Variants in CDK15 observed in about 807,000 individuals in gnomAD.
The protein encoded by CDK15 is cyclin-dependent kinase 15.
A neutral mutation model predicts 60.3 loss-of-function variants in CDK15; 62 were observed. The observed-to-expected ratio is 1.03, with a 90% CI of 0.84 to 1.27. CDK15 has a LOEUF of 1.27. Among genes scored for constraint, CDK15 ranks in the 50% most tolerant of loss-of-function variants. The pLI is 0.00. For missense variants in CDK15, 541 were observed against 527.8 expected (o/e 1.03, Z -0.25); for synonymous variants, 194 against 195.7 (o/e 0.99, Z 0.07).
At chr2:201,861,492 G>A in intron 10 of CDK15, 1 of 983,148 alleles carries the variant, frequency 1.0e-6, no homozygotes, top group Non-Finnish European at 1.2e-6. Flanking sequence ...ATCTGCTATA[G>A]TGCCTAACTT....
At chr2:201,847,115 G>C (rs1697704367) in intron 8 of CDK15, among the ~76,000 whole-genome samples, 1 of 152,162 alleles carries the variant, frequency 6.6e-6, no homozygotes. Context: ...TCCTAAAACA[G>C]ATAATGAGCT....
chr2:201,854,712 A>G lies in CDK15; in HGVS notation c.946-162A>G, dbSNP rs924955999. 7.5e-5 allele frequency: 46 copies of G among 613,246 alleles called. No individual in the cohort carries two copies. In the African/African-American group the frequency reaches 7.6e-4, roughly 10 times the overall value. 38.0% of individuals were successfully genotyped at this position (613,246 alleles called of 1,614,324 possible). A position where few individuals can be genotyped will look rare whatever the true frequency, so the allele number is the denominator to read the frequency against. On this transcript the variant is annotated intron_variant, in intron 9 of 13. Transcript: ENST00000652192. ...CCAAGAAACCACAAACGTTGGAAACACTCAAGTTTCTTTCTCGTATACATC... is the reference window on the plus strand; with the variant it reads ...CCAAGAAACCACAAACGTTGGAAACGCTCAAGTTTCTTTCTCGTATACATC...
chr2:201,875,861 T>C (rs1367827475), intron 11 of CDK15, among the ~76,000 whole-genome samples: 2 of 152,258 alleles, frequency 1.3e-5, no homozygotes, highest in Admixed American at 1.3e-4. Flanking sequence ...TTTCCTTCTC[T>C]GCATTTTCTA....
In CDK15 at chr2:201,861,139, C is replaced by G. The variant is rs1016411590; in HGVS notation, c.1009+6202C>G. 1.8e-5 allele frequency: 18 copies of G among 1,028,366 alleles called. No individual in the cohort carries two copies. In the African/African-American group the frequency reaches 3.1e-4, roughly 18 times the overall value. The allele number at this position is 1,028,366 out of a possible 1,614,324, so 63.7% of individuals were successfully genotyped here. On this transcript the variant is annotated intron_variant, in intron 10 of 13. Transcript: ENST00000652192. ...TATGGAACTGTAAGTCCAAGCTCCC[C>G]CTTTTACTATCTGGGGTAACTTGAG... is the stretch of plus-strand genomic sequence containing the variant.
intron 10 of CDK15, among the ~76,000 whole-genome samples, chr2:201,863,002 C>T (rs535819364): frequency 2.0e-5 from 3 of 152,280 alleles, no homozygotes; most frequent in East Asian, 1.9e-4. Flanking sequence ...CAGCCTCCCT[C>T]GCTACAGCTA....
intron 8 of CDK15, among the ~76,000 whole-genome samples, chr2:201,841,389 A>G (rs879887221): frequency 2.6e-5 from 4 of 152,206 alleles, no homozygotes; most frequent in Non-Finnish European, 5.9e-5. Context: ...TAAAAATGTA[A>G]TGTAGAAATA....
intron 11 of CDK15, among the ~76,000 whole-genome samples, chr2:201,879,719 A>G (rs16838347): frequency 0.069 from 10,516 of 152,068 alleles, 429 homozygotes; most frequent in Non-Finnish European, 0.086. Context: ...CCTTGATTAT[A>G]TATTTCTGTT....
chr2:201,829,303 G>A (rs1696647400), intron 6 of CDK15, among the ~76,000 whole-genome samples: 1 of 152,070 alleles, frequency 6.6e-6, no homozygotes, highest in Non-Finnish European at 1.5e-5. Context: ...GAATGCTGGT[G>A]TCTGTTAAGG....
chr2:201,834,993 G>A (rs1213589911), intron 7 of CDK15, among the ~76,000 whole-genome samples: 2 of 152,128 alleles, frequency 1.3e-5, no homozygotes, highest in Non-Finnish European at 2.9e-5. Context: ...ATTCATCTAA[G>A]GTCCTACCAA....
chr2:201,838,692 C>A (rs1000964300), intron 8 of CDK15, among the ~76,000 whole-genome samples: 1 of 152,140 alleles, frequency 6.6e-6, no homozygotes, highest in Admixed American at 6.5e-5. Flanking sequence ...CAGGTATAAG[C>A]CACCGTGCCC....
intron 12 of CDK15, chr2:201,889,053 C>T (rs1289455205): frequency 4.1e-6 from 4 of 985,046 alleles, no homozygotes; most frequent in African/African-American, 1.7e-5. Flanking sequence ...TTGGAATATG[C>T]GATTCCAAAT....
chr2:201,880,270 T>C, intron 12 of CDK15, 103 bp downstream of exon 12: 1 of 1,351,438 alleles, frequency 7.4e-7, no homozygotes, highest in Non-Finnish European at 1.0e-6. Context: ...CGGAGAATCA[T>C]AGCATTTACC....
chr2:201,847,246 C>T, intron 8 of CDK15, 135 bp from the exon 9 acceptor site: 2 of 800,348 alleles, frequency 2.5e-6, no homozygotes, highest in Non-Finnish European at 3.8e-6. Context: ...TTTTTTTTGG[C>T]CCAAGACTTT....
intron 10 of CDK15, among the ~76,000 whole-genome samples, chr2:201,866,010 ATG>A (rs72270010): frequency 0.55 from 76,046 of 139,400 alleles, 21,236 homozygotes; most frequent in East Asian, 0.73. Context: ...ACATGAGTGA[ATG>A]TGTGTGTGTG....
rs1472650458 is a variant in CDK15 at position 201,835,755 on chromosome 2, G to A, written c.843G>A (p.Leu281=). The change falls in exon 8 of 14, where the codon CTG becomes CTA. Residue 281 remains leucine, a synonymous_variant. Transcript: ENST00000652192. ...LLGATEYSSE[L]DIWGAGCIFI... is the part of the protein sequence containing the mutation. ...GAGCCACTGAATATTCCTCTGAGCT[G>A]GACATATGGTAAGAGTGGTGCCGAG... 1.3e-6 allele frequency: 2 copies of A among 1,589,122 alleles called. No homozygotes were observed. The highest frequency in any genetic ancestry group is 1.7e-6 in the Non-Finnish European group (2 of 1,163,734).
At chr2:201,890,397 C>G (rs780805379) in intron 12 of CDK15, among the ~76,000 whole-genome samples, 1 of 152,206 alleles carries the variant, frequency 6.6e-6, no homozygotes, top group Non-Finnish European at 1.5e-5. Flanking sequence ...CTTCAAGTCT[C>G]AAAGGGCACC....
intron 10 of CDK15, among the ~76,000 whole-genome samples, chr2:201,867,689 C>T (rs1698688582): frequency 6.6e-6 from 1 of 151,786 alleles, no homozygotes; most frequent in Non-Finnish European, 1.5e-5. Context: ...TGGACCCTTC[C>T]CAGGCTAGTT....
At chr2:201,881,624 T>G (rs1488221365) in intron 12 of CDK15, among the ~76,000 whole-genome samples, 1 of 152,168 alleles carries the variant, frequency 6.6e-6, no homozygotes, top group Non-Finnish European at 1.5e-5. Context: ...TCAAATGAGA[T>G]GGATTAGACT....
At chr2:201,848,136 A>T (rs1289708759) in intron 9 of CDK15, among the ~76,000 whole-genome samples, 1 of 152,000 alleles carries the variant, frequency 6.6e-6, no homozygotes, top group Non-Finnish European at 1.5e-5. Context: ...TTTTCATAGA[A>T]CCCTGATAGA....
Sources: gnomAD v4.1 joint callset for allele counts (sites outside exome capture counted in the v4.1 genomes callset) on GRCh38, gnomAD v4.1.1 for gene constraint, MANE v1.5 for transcripts, NCBI Gene and HGNC (gene_info 2026-07-23, HGNC 2026-07-21) for gene names.